Variants in RNF31 observed in about 807,000 individuals in gnomAD.
RNF31 encodes ring finger protein 31.
A neutral mutation model predicts 133.6 loss-of-function variants in RNF31; 38 were observed. The observed-to-expected ratio is 0.28, with a 90% CI of 0.22 to 0.37. The LOEUF is 0.37. Among genes scored for constraint, RNF31 ranks in the 10% least tolerant of loss-of-function variants. The probability of loss-of-function intolerance (pLI) is 1.00; values close to 1 mark genes in which losing one functional copy is unlikely to be tolerated. For missense variants in RNF31, 1,118 were observed against 1,394.1 expected (o/e 0.80, Z 3.15); for synonymous variants, 582 against 552.3 (o/e 1.05, Z -0.75).
Position 24,151,342 on chromosome 14 carries a change from A to C in RNF31, c.1700A>C (p.Glu567Ala). Residue 567 changes from glutamate (E) to alanine (A), a missense_variant, in exon 9 of 21, where the codon GAA becomes GCA. Around this residue, in one of 3 missense-constraint regions of RNF31, gnomAD observed 747 missense variants for 827.9 expected, o/e 0.90. Coordinates refer to ENST00000324103, the MANE Select transcript of RNF31 (RefSeq NM_017999.5). This position sits in a 1 kb window ranked among gnomAD's most constrained non-coding sequence, Gnocchi z 5.3. ...AWLDRHGNLD[E>A]AVEECVRTRR... is the part of the protein sequence containing the mutation. ...CTGGATCGTCATGGCAACCTTGATG[A>C]AGCTGTGGAGGAGTGTGTGAGGACC... 1 of 1,614,140 alleles carries C rather than the reference A, an allele frequency of 6.2e-7. No homozygotes were observed. The highest frequency in any genetic ancestry group is 8.5e-7 in the Non-Finnish European group (1 of 1,180,034).
Position 24,148,689 on chromosome 14 carries a change from G to A in RNF31, c.543G>A (p.Lys181=), listed in dbSNP as rs534822345. The A allele has an allele frequency of 4.3e-4, 696 of 1,614,190 alleles. 7 individuals are homozygous for A. In the South Asian group the frequency reaches 5.4e-3, roughly 13 times the overall value. Residue 181 remains lysine, a synonymous_variant, in exon 4 of 21, where the codon AAG becomes AAA. Coordinates refer to ENST00000324103, the MANE Select transcript of RNF31 (RefSeq NM_017999.5). ...CACTGGAGCAGCTGTTGGAAGACAAGGTTGAAGATGATGTAAGGAAGGCAG... is the reference window on the plus strand; with the variant it reads ...CACTGGAGCAGCTGTTGGAAGACAAAGTTGAAGATGATGTAAGGAAGGCAG... ...QQALEQLLED[K]VEDDMLQLSE...
chr14:24,147,275 C>T (rs2038180211), upstream of RNF31: 1 of 175,360 alleles, frequency 5.7e-6, no homozygotes, highest in African/African-American at 2.4e-5. Flanking sequence ...CTGCGGCTAT[C>T]CGGAAGGGGT....
Position 24,148,136 on chromosome 14 carries a change from C to T in RNF31, c.339+14C>T. 1 of 1,614,034 alleles carries T rather than the reference C, an allele frequency of 6.2e-7. No homozygotes were observed. The highest frequency in any genetic ancestry group is 1.3e-5 in the African/African-American group (1 of 75,024). On this transcript the variant is annotated intron_variant, in intron 2 of 20. Coordinates refer to ENST00000324103, the MANE Select transcript of RNF31 (RefSeq NM_017999.5). ...GATGCTGTGCAGGTGAATCCCCTGG[C>T]CTTATGGGAGAGGGGGCTGGGGTTT...
At chr14:24,149,863 G>A (rs2038236309) in intron 6 of RNF31, among the ~76,000 whole-genome samples, 198 bp from the exon 7 acceptor site, 1 of 152,076 alleles carries the variant, frequency 6.6e-6, no homozygotes, top group South Asian at 2.1e-4. Context: ...TGTGTTAGCA[G>A]TATCTACTAG....
intron 11 of RNF31, among the ~76,000 whole-genome samples, chr14:24,153,013 G>A (rs1411776638): frequency 6.6e-6 from 1 of 151,816 alleles, no homozygotes; most frequent in Non-Finnish European, 1.5e-5. Context: ...CTCAGGAGGC[G>A]GAGCTTGCAG....
Position 24,160,461 on chromosome 14 carries a change from T to C in RNF31, c.3165+54T>C. The C allele has an allele frequency of 6.3e-7, 1 of 1,587,016 alleles. No homozygotes were observed. Among genetic ancestry groups the C allele is most frequent in the Admixed American group, 1.7e-5 (1 of 57,488 alleles). On this transcript the variant is annotated intron_variant, in intron 20 of 20. Coordinates refer to ENST00000324103, the MANE Select transcript of RNF31 (RefSeq NM_017999.5). The surrounding 1 kb of genome is among the most constrained non-coding windows in gnomAD (Gnocchi z 4.0). ...AACCCACCCTACAGAAGTCACCTGG[T>C]GCTGACTGTGTCTGAGCTCCAGGCT...
chr14:24,149,548 GCCTGGGGT>G lies in RNF31; in HGVS notation c.779_786del (p.Gly260AlafsTer34). Reference sequence around the variant, plus strand: ...GTGCTCATCACCTCCGCCAGACCCTGCCTGGGGTCCTGCAGGGTACCCACCTGAGCCCC... The same window carrying G: ...GTGCTCATCACCTCCGCCAGACCCTGCCTGCAGGGTACCCACCTGAGCCCC... On this transcript the variant is annotated frameshift_variant, in exon 6 of 21. Transcript: ENST00000324103. LOFTEE classifies it high-confidence loss of function. 6.2e-7 allele frequency: 1 copy of G among 1,614,080 alleles called. No individual in the cohort carries two copies. The highest frequency in any genetic ancestry group is 8.5e-7 in the Non-Finnish European group (1 of 1,180,002).
At chr14:24,158,231 A>G in intron 18 of RNF31, 32 bp downstream of exon 18, 1 of 1,606,704 alleles carries the variant, frequency 6.2e-7, no homozygotes, top group South Asian at 1.1e-5. Context: ...TGAGAAGAGG[A>G]GATGGTGTGC....
chr14:24,148,151 G>C (rs746967527), intron 2 of RNF31, 29 bp downstream of exon 2: 1 of 1,613,808 alleles, frequency 6.2e-7, no homozygotes, highest in Non-Finnish European at 8.5e-7. Flanking sequence ...TGGGAGAGGG[G>C]GCTGGGGTTT....
In RNF31 at chr14:24,157,504, C is replaced by T; in HGVS notation, c.2609-16C>T. ...TTGCAGCGGCAGCTCCAGCCCTGAC[C>T]TCTTGTCCTTTGCAGACTGCCCCAA... On this transcript the variant is annotated splice_polypyrimidine_tract_variant and intron_variant, in intron 15 of 20. Coordinates refer to ENST00000324103, the MANE Select transcript of RNF31 (RefSeq NM_017999.5). The T allele has an allele frequency of 6.2e-7, 1 of 1,612,664 alleles. No individual in the cohort carries two copies. The highest frequency in any genetic ancestry group is 2.2e-5 in the East Asian group (1 of 44,880).
At chr14:24,159,032 CAAAAAAAAAAAAAA>C (rs529900287) in intron 18 of RNF31, among the ~76,000 whole-genome samples, 1 of 54,430 alleles carries the variant, frequency 1.8e-5, no homozygotes, top group Admixed American at 2.4e-4. Flanking sequence ...GACTTCGTCT[CAAAAAAAAAAAAAA>C]AAAAAAAAAA....
rs145964309 is a variant in RNF31, at chr14:24,154,019, G to T, written c.2131-1138G>T. Among the ~76,000 whole-genome samples the T allele has an allele frequency of 3.7e-3, 570 of 152,270 alleles. 6 individuals carry two copies. The highest frequency in any genetic ancestry group is 0.013 in the African/African-American group (541 of 41,556). ...CTCAGCGATGACATTTTTTTGAGAC[G>T]GAGTCTCGCTCTGTCGCCCTGGCTG... On this transcript the variant is annotated intron_variant, in intron 11 of 20. Coordinates refer to ENST00000324103, the MANE Select transcript of RNF31 (RefSeq NM_017999.5).
In RNF31 at chr14:24,157,407, A is replaced by G. The variant is rs922717032; in HGVS notation, c.2608+3A>G. ...GTATCTTCAGGAAAACGGCATTGGT[A>G]AGGCCTCCCTACTCGGCCTGTTTGC... On this transcript the variant is annotated splice_donor_region_variant and intron_variant, in intron 15 of 20. Transcript: ENST00000324103. 6.2e-7 allele frequency: 1 copy of G among 1,607,728 alleles called. No homozygotes were observed. Among genetic ancestry groups the G allele is most frequent in the African/African-American group, 1.3e-5 (1 of 74,810 alleles).
Position 24,157,965 on chromosome 14 carries a change from T to A in RNF31, c.2795T>A (p.Phe932Tyr), listed in dbSNP as rs1566616963. ...GGCCACCACCCTCGAGACTGCCTCT[T>A]CTACCTGCGGGACTGGACTGCTCTC... The part of the protein sequence containing the change: ...LHGHHPRDCL[F>Y]YLRDWTALRL... Residue 932 changes from phenylalanine (F) to tyrosine (Y), a missense_variant, in exon 17 of 21, where the codon TTC (phenylalanine) becomes TAC (tyrosine). Phe to Tyr is a conservative substitution (Grantham distance 22). Coordinates refer to ENST00000324103, the MANE Select transcript of RNF31 (RefSeq NM_017999.5). 6.2e-7 allele frequency: 1 copy of A among 1,614,144 alleles called. No individual in the cohort carries two copies. Among genetic ancestry groups the A allele is most frequent in the Admixed American group, 1.7e-5 (1 of 60,030 alleles).
At position 24,157,801 on chromosome 14, in the gene RNF31, A is replaced by C. The variant is rs575958184; in HGVS notation, c.2728-97A>C. ...CTTTGCTTGCTCCTCCAATGTCTCCATCTCCCCTCACCCTTACACCCCTCA... is the reference window on the plus strand; with the variant it reads ...CTTTGCTTGCTCCTCCAATGTCTCCCTCTCCCCTCACCCTTACACCCCTCA... On this transcript the variant is annotated intron_variant, in intron 16 of 20. Transcript: ENST00000324103. 15 of 1,145,066 alleles carry C rather than the reference A, an allele frequency of 1.3e-5. No homozygotes were observed. In the Admixed American group the frequency reaches 2.6e-4, roughly 20 times the overall value. 70.9% of individuals were successfully genotyped at this position (1,145,066 alleles called of 1,614,324 possible).
In RNF31 at chr14:24,152,049, A is replaced by G. The variant is rs565993595; in HGVS notation, c.2130+57A>G. ...AATTACTCTATTCTTTTGGACCCCC[A>G]TCCTACCCCAGTCTCCATCTCTGAT... On this transcript the variant is annotated intron_variant, in intron 11 of 20. Coordinates refer to ENST00000324103, the MANE Select transcript of RNF31 (RefSeq NM_017999.5). The G allele has an allele frequency of 2.7e-3, 4,038 of 1,514,500 alleles. 8 individuals carry two copies. The highest frequency in any genetic ancestry group is 3.1e-3 in the Non-Finnish European group (3,508 of 1,114,016). The allele number at this position is 1,514,500 out of a possible 1,614,324, so 93.8% of individuals were successfully genotyped here. A position where few individuals can be genotyped will look rare whatever the true frequency, so the allele number is the denominator to read the frequency against.
chr14:24,160,140 T>C lies in RNF31; in HGVS notation c.2997-99T>C. On this transcript the variant is annotated intron_variant, in intron 19 of 20. Transcript: ENST00000324103. This position sits in a 1 kb window ranked among gnomAD's most constrained non-coding sequence, Gnocchi z 4.0. ...GGCAGTGTGGGCACAGGTGGGTTGT[T>C]AATCTTGTTCGTCCAGGTGTCTCAG... 1 of 1,452,648 alleles carries C rather than the reference T, an allele frequency of 6.9e-7. No individual in the cohort carries two copies. Among genetic ancestry groups the C allele is most frequent in the Non-Finnish European group, 9.4e-7 (1 of 1,067,928 alleles). The allele number at this position is 1,452,648 out of a possible 1,614,324, so 90.0% of individuals were successfully genotyped here.
At position 24,151,525 on chromosome 14, in the gene RNF31, G is replaced by A. The variant is rs767373893; in HGVS notation, c.1778G>A (p.Gly593Glu). 1.2e-6 allele frequency: 2 copies of A among 1,614,056 alleles called. No individual in the cohort carries two copies. The highest frequency in any genetic ancestry group is 1.7e-6 in the Non-Finnish European group (2 of 1,180,036). ...LQSLGFGPEE[G>E]SLQALFQHGG... ...TCTCTAGGCTTTGGGCCTGAGGAGG[G>A]GTCTCTCCAGGCATTGTTCCAGCAC... Residue 593 changes from glycine to glutamate, a missense_variant, in exon 10 of 21, where the codon GGG (glycine) becomes GAG (glutamate). Transcript: ENST00000324103. The surrounding 1 kb of genome is among the most constrained non-coding windows in gnomAD (Gnocchi z 5.3).
At position 24,151,842 on chromosome 14, in the gene RNF31, G is replaced by A. The variant is rs538267194; in HGVS notation, c.1980G>A (p.Glu660=). The A allele has an allele frequency of 6.2e-7, 1 of 1,614,082 alleles. No homozygotes were observed. Among genetic ancestry groups the A allele is most frequent in the Admixed American group, 1.7e-5 (1 of 60,020 alleles). ...VYALPSWGRA[E]LALSLLQETP... Reference sequence around the variant, plus strand: ...CACTCCCCAGCTGGGGCCGGGCAGAGCTGGCACTGTCACTGCTGCAGGAGA... The same window carrying A: ...CACTCCCCAGCTGGGGCCGGGCAGAACTGGCACTGTCACTGCTGCAGGAGA... Residue 660 remains glutamate, a synonymous_variant, in exon 11 of 21, where the codon GAG becomes GAA. Coordinates refer to ENST00000324103, the MANE Select transcript of RNF31 (RefSeq NM_017999.5). The surrounding 1 kb of genome is among the most constrained non-coding windows in gnomAD (Gnocchi z 5.3).
Sources: gnomAD v4.1 joint callset for allele counts (sites outside exome capture counted in the v4.1 genomes callset) on GRCh38, gnomAD v4.1.1 for gene constraint, gnomAD v4.1.1 regional missense constraint, Gnocchi (gnomAD v3.1) non-coding constraint, MANE v1.5 for transcripts, NCBI Gene and HGNC (gene_info 2026-07-23, HGNC 2026-07-21) for gene names.